The following KDM4D variants were observed in gnomAD, a reference collection of about 807,000 sequenced individuals.
The protein encoded by KDM4D is lysine-specific demethylase 4D.
For missense variants in KDM4D, 427 were observed against 674.8 expected (o/e 0.63, Z 4.07); for synonymous variants, 254 against 249.1 (o/e 1.02, Z -0.19).
Position 94,997,272 on chromosome 11 carries a change from C to T in KDM4D, c.-101C>T. On this transcript the variant is annotated 5_prime_UTR_variant, in exon 3 of 3. Transcript: ENST00000335080. ...AAAGTACGCTGGTAGATCCTGCTAC[C>T]TCATAGATAACACCAGTCAAATTTT... 8.1e-6 allele frequency: 7 copies of T among 865,076 alleles called. No individual in the cohort carries two copies. Among genetic ancestry groups the T allele is most frequent in the South Asian group, 2.2e-5 (1 of 45,594 alleles). The allele number at this position is 865,076 out of a possible 1,614,324, so 53.6% of individuals were successfully genotyped here. A position where few individuals can be genotyped will look rare whatever the true frequency, so the allele number is the denominator to read the frequency against.
chr11:94,982,275 T>C (rs781956575), intron 2 of KDM4D, among the ~76,000 whole-genome samples: 42 of 151,962 alleles, frequency 2.8e-4, no homozygotes, highest in Non-Finnish European at 5.5e-4. Flanking sequence ...AAAATATATA[T>C]TCTGCAGCTC....
intron 2 of KDM4D, among the ~76,000 whole-genome samples, chr11:94,983,870 A>C (rs184811197): frequency 6.6e-6 from 1 of 152,294 alleles, no homozygotes; most frequent in African/African-American, 2.4e-5. Context: ...GTTTATTAGG[A>C]TAGCCACTAG....
chr11:94,998,544 C>T lies in KDM4D; in HGVS notation c.1172C>T (p.Ala391Val). Reference sequence around the variant, plus strand: ...CGGCATTCCCCTTGGCCTATGGCTGCCCGCAGTGGGACACGGTGCCACACC... The same window carrying T: ...CGGCATTCCCCTTGGCCTATGGCTGTCCGCAGTGGGACACGGTGCCACACC... ...WARHSPWPMAARSGTRCHTLV... is the reference protein window; with the variant it reads ...WARHSPWPMAVRSGTRCHTLV... Residue 391 changes from alanine to valine, a missense_variant, in exon 3 of 3, where the codon GCC (alanine) becomes GTC (valine). Coordinates refer to ENST00000335080, the MANE Select transcript of KDM4D (RefSeq NM_018039.3). The surrounding 1 kb of genome is among the most constrained non-coding windows in gnomAD (Gnocchi z 6.7). 1.2e-6 allele frequency: 2 copies of T among 1,613,220 alleles called. No homozygotes were observed. Among genetic ancestry groups the T allele is most frequent in the Non-Finnish European group, 1.7e-6 (2 of 1,180,020 alleles).
chr11:94,988,619 C>T (rs1234854247), intron 2 of KDM4D, among the ~76,000 whole-genome samples: 2 of 152,120 alleles, frequency 1.3e-5, no homozygotes, highest in Admixed American at 6.5e-5. Context: ...TGGAAATGTC[C>T]CTTGCCCAGA....
chr11:94,982,654 G>A (rs1172272064), intron 2 of KDM4D, among the ~76,000 whole-genome samples: 1 of 151,410 alleles, frequency 6.6e-6, no homozygotes, highest in Non-Finnish European at 1.5e-5. Flanking sequence ...TAATGGCCAA[G>A]CTAATAGTAC....
At chr11:94,976,389 C>T (rs587697206) in intron 2 of KDM4D, among the ~76,000 whole-genome samples, 1 of 152,282 alleles carries the variant, frequency 6.6e-6, no homozygotes, top group South Asian at 2.1e-4. Flanking sequence ...AAAACAGAAG[C>T]TCTTAAACAA....
At chr11:94,981,701 A>T (rs1857844250) in intron 2 of KDM4D, among the ~76,000 whole-genome samples, 1 of 151,438 alleles carries the variant, frequency 6.6e-6, no homozygotes, top group Non-Finnish European at 1.5e-5. Flanking sequence ...ATCTTTGTTG[A>T]TATTGGTTAT....
At chr11:94,995,510 G>A (rs1857968533) in intron 2 of KDM4D, among the ~76,000 whole-genome samples, 1 of 152,116 alleles carries the variant, frequency 6.6e-6, no homozygotes, top group African/African-American at 2.4e-5. Flanking sequence ...GGAAGGAGTG[G>A]AACTTAAGAA....
chr11:94,977,690 T>G (rs1228199063), intron 2 of KDM4D, among the ~76,000 whole-genome samples: 1 of 152,068 alleles, frequency 6.6e-6, no homozygotes, highest in Non-Finnish European at 1.5e-5. Flanking sequence ...TACATGGCAT[T>G]TATCATCTTC....
intron 2 of KDM4D, among the ~76,000 whole-genome samples, chr11:94,995,954 A>C (rs1172456951): frequency 6.6e-6 from 1 of 152,112 alleles, no homozygotes; most frequent in Non-Finnish European, 1.5e-5. Flanking sequence ...AATTCCTGTC[A>C]TGCTAGATTG....
Position 94,973,813 on chromosome 11 carries a change from C to T in KDM4D, c.-700C>T, listed in dbSNP as rs1857770047. 1 of 152,434 alleles carries T rather than the reference C, an allele frequency of 6.6e-6. No homozygotes were observed. Among genetic ancestry groups the T allele is most frequent in the African/African-American group, 2.4e-5 (1 of 41,482 alleles). The allele number at this position is 152,434 out of a possible 1,614,324, so 9.4% of individuals were successfully genotyped here. On this transcript the variant is annotated 5_prime_UTR_variant, in exon 1 of 3. Coordinates refer to ENST00000335080, the MANE Select transcript of KDM4D (RefSeq NM_018039.3). ...TTCCGTCTTTTCCGTCCCCGACCCC[C>T]TCCCAGACTCCTTCATTCCGGTACT... is the stretch of plus-strand genomic sequence containing the variant.
intron 2 of KDM4D, among the ~76,000 whole-genome samples, chr11:94,981,530 G>T (rs587728386): frequency 6.6e-6 from 1 of 151,838 alleles, no homozygotes; most frequent in Admixed American, 6.6e-5. Context: ...GAGGGTTATG[G>T]ATATATTTAT....
chr11:94,978,555 T>C (rs1857817640), intron 2 of KDM4D, among the ~76,000 whole-genome samples: 1 of 152,158 alleles, frequency 6.6e-6, no homozygotes, highest in South Asian at 2.1e-4. Flanking sequence ...AAATGAAATA[T>C]CATTTGCTGA....
chr11:94,993,394 G>T (rs1446909501), intron 2 of KDM4D, among the ~76,000 whole-genome samples: 1 of 152,070 alleles, frequency 6.6e-6, no homozygotes, highest in Non-Finnish European at 1.5e-5. Flanking sequence ...TATGGTTCCA[G>T]TTGAAAGAAG....
intron 2 of KDM4D, among the ~76,000 whole-genome samples, chr11:94,978,945 CAA>C (rs141855591): frequency 0.017 from 2,625 of 152,126 alleles, 76 homozygotes; most frequent in African/African-American, 0.06. Flanking sequence ...GAAAAAGTGA[CAA>C]ATCTAAAATC....
chr11:94,998,911 G>A lies in KDM4D; in HGVS notation c.1539G>A (p.Lys513=). 2 of 1,513,920 alleles carry A rather than the reference G, an allele frequency of 1.3e-6. No homozygotes were observed. Among genetic ancestry groups the A allele is most frequent in the Non-Finnish European group, 1.8e-6 (2 of 1,131,126 alleles). 93.8% of individuals were successfully genotyped at this position (1,513,920 alleles called of 1,614,324 possible). ...GCCCAGGGCTCCAGCATCCTGTCAA[G>A]GCTTCTGGGTGCAGCTGGGCCCCTG... ...PLSPGLQHPV[K]ASGCSWAPVP is the part of the protein sequence containing the mutation. Residue 513 remains lysine, a synonymous_variant, in exon 3 of 3, where the codon AAG becomes AAA. Coordinates refer to ENST00000335080, the MANE Select transcript of KDM4D (RefSeq NM_018039.3). This position sits in a 1 kb window ranked among gnomAD's most constrained non-coding sequence, Gnocchi z 6.7.
chr11:94,993,866 A>T (rs1555098979), intron 2 of KDM4D, among the ~76,000 whole-genome samples: 1 of 151,966 alleles, frequency 6.6e-6, no homozygotes. Context: ...AAGTTTTCTA[A>T]TAGAAAGAAT....
chr11:94,985,320 GAAAA>G (rs1472554894), intron 2 of KDM4D, among the ~76,000 whole-genome samples: 1 of 152,116 alleles, frequency 6.6e-6, no homozygotes, highest in Non-Finnish European at 1.5e-5. Flanking sequence ...TGAACAATGT[GAAAA>G]CGAAATTTAG....
rs1164055635 is a variant in KDM4D at position 94,998,978 on chromosome 11, C to T, written c.*34C>T. 3 of 1,475,570 alleles carry T rather than the reference C, an allele frequency of 2.0e-6. No individual in the cohort carries two copies. Among genetic ancestry groups the T allele is most frequent in the African/African-American group, 2.8e-5 (2 of 71,196 alleles). The allele number at this position is 1,475,570 out of a possible 1,614,324, so 91.4% of individuals were successfully genotyped here. On this transcript the variant is annotated 3_prime_UTR_variant, in exon 3 of 3. Transcript: ENST00000335080. The surrounding 1 kb of genome is among the most constrained non-coding windows in gnomAD (Gnocchi z 6.7). ...GCTGTCTTTATATCCCACTGCCCTGCTGTGTGACAGTTTGATGAAACTGGT... is the reference window on the plus strand; with the variant it reads ...GCTGTCTTTATATCCCACTGCCCTGTTGTGTGACAGTTTGATGAAACTGGT...
Sources: gnomAD v4.1 joint callset for allele counts (sites outside exome capture counted in the v4.1 genomes callset) on GRCh38, gnomAD v4.1.1 for gene constraint, Gnocchi (gnomAD v3.1) non-coding constraint, MANE v1.5 for transcripts, NCBI Gene and HGNC (gene_info 2026-07-23, HGNC 2026-07-21) for gene names.